The following MGMT variants were observed in gnomAD, a reference collection of about 807,000 sequenced individuals.
MGMT encodes methylated-DNA--protein-cysteine methyltransferase.
MGMT carries 14 observed loss-of-function variants against 15.9 expected under a neutral mutation model. The observed-to-expected ratio is 0.88, with a 90% CI of 0.58 to 1.37. The LOEUF (loss-of-function observed/expected upper bound fraction) is 1.37. MGMT is among the 40% of genes most tolerant of loss of function. The pLI, the probability that MGMT is intolerant of heterozygous loss-of-function variation, is 0.00. For synonymous variants in MGMT, 130 were observed against 118.2 expected, an observed-to-expected ratio of 1.10 and a Z score of -0.65; for missense variants, 282 against 268.1, an observed-to-expected ratio of 1.05 and a Z score of -0.36.
At chr10:129,616,489 AG>A in intron 2 of MGMT, among the ~76,000 whole-genome samples, 1 of 152,226 alleles carries the variant, frequency 6.6e-6, no homozygotes, top group South Asian at 2.1e-4. Context: ...ATTCCCAACA[AG>A]GGCTCACTGG....
chr10:129,494,595 T>C (rs1845502270), intron 1 of MGMT, among the ~76,000 whole-genome samples: 1 of 152,258 alleles, frequency 6.6e-6, no homozygotes, highest in Non-Finnish European at 1.5e-5. Context: ...TGGTAGCCAC[T>C]AGTCACATTG....
intron 2 of MGMT, among the ~76,000 whole-genome samples, chr10:129,544,822 A>T (rs1245416669): frequency 6.6e-6 from 1 of 152,198 alleles, no homozygotes; most frequent in African/African-American, 2.4e-5. Context: ...ATAAGGTTCA[A>T]TGAACCCCTG....
intron 2 of MGMT, among the ~76,000 whole-genome samples, chr10:129,606,729 C>T (rs889803136): frequency 6.6e-6 from 1 of 152,154 alleles, no homozygotes; most frequent in Non-Finnish European, 1.5e-5. Context: ...AGACTAATTA[C>T]ACAGAATCTT....
intron 2 of MGMT, among the ~76,000 whole-genome samples, chr10:129,608,681 TTA>T (rs1263354109): frequency 6.6e-6 from 1 of 152,264 alleles, no homozygotes; most frequent in Admixed American, 6.5e-5. Context: ...GCCCATTTCT[TTA>T]TGTTATTCCT....
intron 2 of MGMT, among the ~76,000 whole-genome samples, chr10:129,630,825 A>G (rs983653287): frequency 2.6e-5 from 4 of 152,376 alleles, no homozygotes; most frequent in African/African-American, 7.2e-5. Context: ...ATTTCATTGC[A>G]CTAACGTGCT....
chr10:129,520,592 A>G lies in MGMT; in HGVS notation c.-12-15649A>G, dbSNP rs190071619. Among the ~76,000 whole-genome samples the G allele has an allele frequency of 2.7e-3, 256 of 95,256 alleles. 5 individuals are homozygous for G. The East Asian group carries it at 0.045, about 17-fold the overall frequency. 62.5% of individuals were successfully genotyped at this position (95,256 alleles called of 152,430 possible). A position where few individuals can be genotyped will look rare whatever the true frequency, so the allele number is the denominator to read the frequency against. ...CTCTATGGTGCGGTGCAGAGCCCCT[A>G]TGGTATGCTTTCAGAGCCCCTAAGG... is the stretch of plus-strand genomic sequence containing the variant. On this transcript the variant is annotated intron_variant, in intron 1 of 4. Coordinates refer to ENST00000651593, the MANE Select transcript of MGMT (RefSeq NM_002412.5).
intron 2 of MGMT, among the ~76,000 whole-genome samples, chr10:129,570,009 G>A (rs1846398969): frequency 6.6e-6 from 1 of 152,198 alleles, no homozygotes; most frequent in Admixed American, 6.5e-5. Context: ...TGCAGCCTAA[G>A]CCAAAGTACA....
At chr10:129,469,122 C>G (rs934032064) in intron 1 of MGMT, among the ~76,000 whole-genome samples, 2 of 152,090 alleles carry the variant, frequency 1.3e-5, no homozygotes, top group East Asian at 3.9e-4. Flanking sequence ...TCAGGGCCTC[C>G]TCTGTCCTTT....
chr10:129,588,773 C>T (rs117514540), intron 2 of MGMT, among the ~76,000 whole-genome samples: 135 of 152,366 alleles, frequency 8.9e-4, no homozygotes, highest in Admixed American at 2.2e-3. Flanking sequence ...TTGGAAAACA[C>T]GCAGCATCAT....
chr10:129,582,491 T>G (rs898235675), intron 2 of MGMT, among the ~76,000 whole-genome samples: 1 of 152,246 alleles, frequency 6.6e-6, no homozygotes, highest in Non-Finnish European at 1.5e-5. Flanking sequence ...TTTTAAACTT[T>G]TGTTCTCCGT....
chr10:129,669,583 TTAA>T (rs1256856481), intron 2 of MGMT, among the ~76,000 whole-genome samples: 1 of 147,298 alleles, frequency 6.8e-6, no homozygotes, highest in Non-Finnish European at 1.5e-5. Context: ...ACACTGCAGA[TTAA>T]TAATTTCCAA....
intron 1 of MGMT, among the ~76,000 whole-genome samples, chr10:129,487,650 G>C (rs896211798): frequency 3.3e-5 from 5 of 151,728 alleles, no homozygotes; most frequent in African/African-American, 1.2e-4. Flanking sequence ...CTGTGTTTCT[G>C]TTGGGATTTC....
At chr10:129,479,771 G>A (rs1022797343) in intron 1 of MGMT, among the ~76,000 whole-genome samples, 31 of 145,856 alleles carry the variant, frequency 2.1e-4, no homozygotes, top group African/African-American at 5.7e-4. Context: ...GGCCCTCTCC[G>A]TGTTGTGGAG....
rs1310900136 is a variant in MGMT at position 129,655,946 on chromosome 10, G to A, written c.126-51949G>A. ...CGTGTTTAAATAAACTGGCAACAGC[G>A]GTCCCAGATAGCTTAGCCGGGCAGC... On this transcript the variant is annotated intron_variant, in intron 2 of 4. Coordinates refer to ENST00000651593, the MANE Select transcript of MGMT (RefSeq NM_002412.5). Among the ~76,000 whole-genome samples, 11 of 152,166 alleles carry A rather than the reference G, an allele frequency of 7.2e-5. No individual in the cohort carries two copies. The East Asian group carries it at 1.5e-3, about 21-fold the overall frequency.
In MGMT at chr10:129,491,559, G is replaced by T. The variant is rs74702182; in HGVS notation, c.-13+24263G>T. ...CTCATCCAATCTGTCCTTTCCTCTC[G>T]GAGTTGAATTATAGGTAGGTTAGTC... On this transcript the variant is annotated intron_variant, in intron 1 of 4. Coordinates refer to ENST00000651593, the MANE Select transcript of MGMT (RefSeq NM_002412.5). Among the ~76,000 whole-genome samples the T allele has an allele frequency of 3.9e-3, 588 of 152,068 alleles. 7 individuals are homozygous for T. Among genetic ancestry groups the T allele is most frequent in the African/African-American group, 0.013 (557 of 41,456 alleles).
chr10:129,758,294 G>A (rs1235131109), intron 3 of MGMT, among the ~76,000 whole-genome samples: 2 of 152,148 alleles, frequency 1.3e-5, no homozygotes, highest in Non-Finnish European at 1.5e-5. Context: ...TCCTGCCCGC[G>A]GAAGCCTTCC....
At position 129,591,759 on chromosome 10, in the gene MGMT, A is replaced by G. The variant is rs892248523; in HGVS notation, c.125+55382A>G. On this transcript the variant is annotated intron_variant, in intron 2 of 4. Transcript: ENST00000651593. Reference sequence around the variant, plus strand: ...AGCCTGGCCAACATAGTGAAACCCTATCTCTTCTAAAAATACAAAAAATTA... The same window carrying G: ...AGCCTGGCCAACATAGTGAAACCCTGTCTCTTCTAAAAATACAAAAAATTA... Among the ~76,000 whole-genome samples the G allele has an allele frequency of 3.3e-5, 5 of 152,052 alleles. 1 individual carries two copies. Among genetic ancestry groups the G allele is most frequent in the African/African-American group, 1.2e-4 (5 of 41,406 alleles).
chr10:129,690,727 G>T (rs188936299), intron 2 of MGMT, among the ~76,000 whole-genome samples: 530 of 152,294 alleles, frequency 3.5e-3, no homozygotes, highest in Non-Finnish European at 6.1e-3. Flanking sequence ...CCAGGAGTGG[G>T]AAGGCCTGGG....
At chr10:129,505,227 T>C (rs916721645) in intron 1 of MGMT, among the ~76,000 whole-genome samples, 3 of 147,476 alleles carry the variant, frequency 2.0e-5, no homozygotes, top group African/African-American at 4.9e-5. Flanking sequence ...TAGATAAATA[T>C]CTCTTTTAGT....
Sources: allele counts gnomAD v4.1 joint callset (sites outside exome capture counted in the v4.1 genomes callset), GRCh38; gene constraint gnomAD v4.1.1; transcripts MANE v1.5; gene names NCBI Gene and HGNC (gene_info 2026-07-23, HGNC 2026-07-21).